The following PDE4D variants were observed in gnomAD, a reference collection of about 807,000 sequenced individuals.
PDE4D encodes the protein phosphodiesterase 4D, also known as 3',5'-cyclic-AMP phosphodiesterase 4D.
PDE4D carries 24 observed loss-of-function variants against 87.4 expected under a neutral mutation model. The observed-to-expected ratio is 0.27, with a 90% CI of 0.20 to 0.39. PDE4D has a LOEUF of 0.39. Ranked by LOEUF, PDE4D falls within the 10% of genes least tolerant of loss-of-function variation. The pLI is 1.00. For synonymous variants in PDE4D, 384 were observed against 383.2 expected, an observed-to-expected ratio of 1.00 and a Z score of -0.02; for missense variants, 714 against 1,041.0, an observed-to-expected ratio of 0.69 and a Z score of 4.32.
intron 1 of PDE4D, among the ~76,000 whole-genome samples, chr5:60,427,331 G>C (rs1234947367): frequency 6.6e-6 from 1 of 152,172 alleles, no homozygotes; most frequent in Non-Finnish European, 1.5e-5. Flanking sequence ...ATTACGTACA[G>C]TTGAACAAGG....
intron 6 of PDE4D, among the ~76,000 whole-genome samples, chr5:59,017,415 C>T (rs1434715173): frequency 6.6e-6 from 1 of 151,880 alleles, no homozygotes; most frequent in South Asian, 2.1e-4. Flanking sequence ...TGGAGAAGAC[C>T]GGGGGAGGTA....
At chr5:60,194,724 C>T (rs1009764607) in intron 1 of PDE4D, among the ~76,000 whole-genome samples, 1 of 151,598 alleles carries the variant, frequency 6.6e-6, no homozygotes, top group African/African-American at 2.4e-5. Flanking sequence ...ATACTTTAAC[C>T]CGCCACATAC....
chr5:60,098,856 T>C (rs372537039), intron 2 of PDE4D, among the ~76,000 whole-genome samples: 1 of 152,032 alleles, frequency 6.6e-6, no homozygotes, highest in East Asian at 1.9e-4. Context: ...CTGATCTTAA[T>C]GGAAAAGCTT....
chr5:59,454,353 C>T (rs1054735454), intron 1 of PDE4D, among the ~76,000 whole-genome samples: 1 of 152,112 alleles, frequency 6.6e-6, no homozygotes, highest in Non-Finnish European at 1.5e-5. Context: ...GTCTTTCCTG[C>T]AGCATTCTCA....
At chr5:59,707,137 C>T (rs1753537309) in intron 1 of PDE4D, among the ~76,000 whole-genome samples, 1 of 152,100 alleles carries the variant, frequency 6.6e-6, no homozygotes, top group Non-Finnish European at 1.5e-5. Flanking sequence ...AACTGTACGT[C>T]TTCTTAGCTG....
chr5:60,120,193 G>A (rs1461696894), intron 2 of PDE4D, among the ~76,000 whole-genome samples: 1 of 152,106 alleles, frequency 6.6e-6, no homozygotes, highest in Non-Finnish European at 1.5e-5. Flanking sequence ...TCTCCAATAT[G>A]TCCATTGCAT....
chr5:58,977,355 A>G lies in PDE4D; in HGVS notation c.1553-10T>C, dbSNP rs1311599187. On this transcript the variant is annotated splice_polypyrimidine_tract_variant and intron_variant, in intron 11 of 14. Transcript: ENST00000340635. ...AAGGCAAGTTCAGAGTCTGTAAAAA[A>G]GACAAAAGGCCAAAGATCAGCAAAA... 1.3e-6 allele frequency: 2 copies of G among 1,599,274 alleles called. No individual in the cohort carries two copies. Among genetic ancestry groups the G allele is most frequent in the Non-Finnish European group, 1.7e-6 (2 of 1,176,566 alleles).
At chr5:59,869,432 G>T (rs1747498030) in intron 1 of PDE4D, among the ~76,000 whole-genome samples, 1 of 152,154 alleles carries the variant, frequency 6.6e-6, no homozygotes, top group Non-Finnish European at 1.5e-5. Context: ...ATAATAGAGA[G>T]TGATGTCACG....
At chr5:59,592,817 C>T (rs1276585319) in intron 1 of PDE4D, among the ~76,000 whole-genome samples, 1 of 151,926 alleles carries the variant, frequency 6.6e-6, no homozygotes, top group Non-Finnish European at 1.5e-5. Context: ...AATGTGTATA[C>T]CATCTTGGAG....
rs115093052 is a variant in PDE4D at position 60,026,566 on chromosome 5, A to G, written c.43-37849T>C. Among the ~76,000 whole-genome samples the G allele has an allele frequency of 6.9e-3, 1,052 of 152,250 alleles. 11 individuals are homozygous for G. The highest frequency in any genetic ancestry group is 0.024 in the African/African-American group (1,007 of 41,540). ...GATTAGCTGTCTTTAACTCAGTCCAATTATACAGGAAAATGATAAACTCGA... is the reference window on the plus strand; with the variant it reads ...GATTAGCTGTCTTTAACTCAGTCCAGTTATACAGGAAAATGATAAACTCGA... On this transcript the variant is annotated intron_variant, in intron 2 of 16. Transcript: ENST00000502484.
intron 1 of PDE4D, among the ~76,000 whole-genome samples, chr5:59,280,423 T>C (rs1300143192): frequency 1.3e-5 from 2 of 152,074 alleles, no homozygotes; most frequent in African/African-American, 4.8e-5. Flanking sequence ...ATTTTGTAAT[T>C]GACTTTCAGA....
rs114179382 is a variant in PDE4D, at chr5:60,201,512, G to A, written c.-89-15825C>T. 9.7e-3 allele frequency among the ~76,000 whole-genome samples: 1,469 copies of A among 152,110 alleles called. 32 individuals are homozygous for A. The highest frequency in any genetic ancestry group is 0.034 in the African/African-American group (1,396 of 41,472). ...TGCAATTCCAATTACATGCAGTTCC[G>A]ATCTGAATTATTTACCTAATTATTT... On this transcript the variant is annotated intron_variant, in intron 1 of 16. Transcript: ENST00000502484.
intron 6 of PDE4D, among the ~76,000 whole-genome samples, chr5:59,003,285 C>A (rs574924883): frequency 1.3e-5 from 2 of 152,204 alleles, no homozygotes; most frequent in African/African-American, 2.4e-5. Flanking sequence ...TAATCCCCAA[C>A]GCCAAGCCTA....
chr5:58,993,609 T>G, intron 6 of PDE4D, 144 bp from the exon 7 acceptor site: 3 of 537,124 alleles, frequency 5.6e-6, no homozygotes, highest in South Asian at 6.1e-5. Flanking sequence ...CAGCAGAACT[T>G]TCTTCAATGA....
chr5:59,476,186 G>A (rs1378777437), intron 1 of PDE4D, among the ~76,000 whole-genome samples: 1 of 151,962 alleles, frequency 6.6e-6, no homozygotes, highest in African/African-American at 2.4e-5. Context: ...TGGAAAAGCA[G>A]CACTCTCACC....
intron 1 of PDE4D, among the ~76,000 whole-genome samples, chr5:59,576,508 A>G (rs1368877669): frequency 6.6e-6 from 1 of 152,186 alleles, no homozygotes; most frequent in Non-Finnish European, 1.5e-5. Flanking sequence ...ATTTTTATTT[A>G]TCATTCTTTT....
In PDE4D at chr5:59,511,232, A is replaced by T. The variant is rs184627131; in HGVS notation, c.456-295264T>A. Among the ~76,000 whole-genome samples the T allele has an allele frequency of 2.0e-5, 3 of 152,114 alleles. No homozygotes were observed. In the East Asian group the frequency reaches 5.8e-4, roughly 29 times the overall value. On this transcript the variant is annotated intron_variant, in intron 1 of 14. Transcript: ENST00000340635. ...AATGAGAAAAGAAGCTTGAACATCA[A>T]AAAATACAAAAAGTTTCGATTAAGT...
At chr5:60,502,046 C>T (rs1750104728) in intron 1 of PDE4D, among the ~76,000 whole-genome samples, 1 of 151,938 alleles carries the variant, frequency 6.6e-6, no homozygotes, top group Admixed American at 6.6e-5. Context: ...GTTGCCATTG[C>T]TTTTGGTGTT....
intron 5 of PDE4D, among the ~76,000 whole-genome samples, chr5:59,094,552 G>A (rs193035124): frequency 6.6e-6 from 1 of 152,020 alleles, no homozygotes; most frequent in East Asian, 1.9e-4. Context: ...GCGTGCCCAG[G>A]GCAATGGATA....
Sources: allele counts gnomAD v4.1 joint callset (sites outside exome capture counted in the v4.1 genomes callset), GRCh38; gene constraint gnomAD v4.1.1; transcripts MANE v1.5; gene names NCBI Gene and HGNC (gene_info 2026-07-23, HGNC 2026-07-21).